MPZ: variants seen among roughly 807,000 people sequenced by gnomAD.
The protein encoded by MPZ is myelin protein zero.
A neutral mutation model predicts 27.9 loss-of-function variants in MPZ; 13 were observed. The observed-to-expected ratio is 0.47, with a 90% CI of 0.30 to 0.74. The LOEUF is 0.74. Among genes scored for constraint, MPZ ranks in the 30% least tolerant of loss-of-function variants. MPZ has a pLI of 0.06. For synonymous variants in MPZ, 118 were observed against 128.9 expected (o/e 0.92, Z 0.57); for missense variants, 256 against 317.5 (o/e 0.81, Z 1.47).
In MPZ at chr1:161,307,247, C is replaced by T; in HGVS notation, c.234+11G>A. ...CTGTTATCCAACCCCAGGATTCCCCCAGGCACTCACCGAAATGGCATCTCT... is the reference window on the plus strand; with the variant it reads ...CTGTTATCCAACCCCAGGATTCCCCTAGGCACTCACCGAAATGGCATCTCT... On this transcript the variant is annotated intron_variant, in intron 2 of 5. Transcript: ENST00000533357. 1.9e-6 allele frequency: 3 copies of T among 1,614,242 alleles called. No homozygotes were observed. The highest frequency in any genetic ancestry group is 2.5e-6 in the Non-Finnish European group (3 of 1,180,040).
rs1417590928 is a variant in MPZ at position 161,306,175 on chromosome 1, G to A, written c.585-7C>T. 6.2e-7 allele frequency: 1 copy of A among 1,614,146 alleles called. No homozygotes were observed. Among genetic ancestry groups the A allele is most frequent in the South Asian group, 1.1e-5 (1 of 91,088 alleles). ...TTTCCCCTTCTCCATAGCACTGCAA[G>A]AAGAGAGACTGCTGTACGTTTGGCC... On this transcript the variant is annotated splice_region_variant and splice_polypyrimidine_tract_variant and intron_variant, in intron 4 of 5. Coordinates refer to ENST00000533357, the MANE Select transcript of MPZ (RefSeq NM_000530.8).
At chr1:161,306,045 C>T (rs1490035562) in intron 5 of MPZ, 63 bp downstream of exon 5, 41 of 1,611,024 alleles carry the variant, frequency 2.5e-5, no homozygotes, top group Non-Finnish European at 3.4e-5. Context: ...CCACCCCTCA[C>T]TGCTGCCCGG....
Position 161,305,745 on chromosome 1 carries a change from G to T in MPZ, c.*131C>A. On this transcript the variant is annotated 3_prime_UTR_variant, in exon 6 of 6. Coordinates refer to ENST00000533357, the MANE Select transcript of MPZ (RefSeq NM_000530.8). The stretch of plus-strand genomic sequence containing the variant: ...GGCGTTTTTGAGGCTGGTTCTGCTG[G>T]GGGACTTGACAGCAGGCCGGAGCTC... The T allele has an allele frequency of 1.5e-6, 1 of 668,270 alleles. No homozygotes were observed. Among genetic ancestry groups the T allele is most frequent in the South Asian group, 1.9e-5 (1 of 52,870 alleles). 41.4% of individuals were successfully genotyped at this position (668,270 alleles called of 1,614,324 possible). A position where few individuals can be genotyped will look rare whatever the true frequency, so the allele number is the denominator to read the frequency against.
chr1:161,306,634 C>T, intron 3 of MPZ, 74 bp downstream of exon 3: 2 of 1,572,178 alleles, frequency 1.3e-6, no homozygotes, highest in South Asian at 1.1e-5. Flanking sequence ...TTTGCCTCTT[C>T]CCCCAACCTA....
At chr1:161,306,583 C>G in intron 3 of MPZ, 119 bp from the exon 4 acceptor site, 2 of 1,554,416 alleles carry the variant, frequency 1.3e-6, no homozygotes, top group Non-Finnish European at 1.8e-6. Context: ...GCCTTCTGCC[C>G]ACGCTCCCAG....
At position 161,305,623 on chromosome 1, in the gene MPZ, C is replaced by CG. The variant is rs1670214984; in HGVS notation, c.*252dup. On this transcript the variant is annotated 3_prime_UTR_variant, in exon 6 of 6. Transcript: ENST00000533357. ...GGAGCAAAGAGGGAAAGCACCTAGA[C>CG]GGGGGTAAGAGGAGCCTAGGTCCCC... is the stretch of plus-strand genomic sequence containing the variant. 2.0e-6 allele frequency: 1 copy of CG among 507,632 alleles called. No homozygotes were observed. Among genetic ancestry groups the CG allele is most frequent in the Non-Finnish European group, 3.4e-6 (1 of 296,536 alleles). 31.4% of individuals were successfully genotyped at this position (507,632 alleles called of 1,614,324 possible).
At chr1:161,309,552 A>ATATATTTTTTTTTTTTTT in intron 1 of MPZ, among the ~76,000 whole-genome samples, 21 of 80,634 alleles carry the variant, frequency 2.6e-4, no homozygotes, top group African/African-American at 9.8e-4. Context: ...ATATATATAT[A>ATATATTTTTTTTTTTTTT]TTTTTTTTTT....
In MPZ at chr1:161,305,928, A is replaced by G. The variant is rs1175110505; in HGVS notation, c.695T>C (p.Val232Ala). 2 of 1,613,730 alleles carry G rather than the reference A, an allele frequency of 1.2e-6. No individual in the cohort carries two copies. The change falls in exon 6 of 6, where the codon GTC becomes GCC. Residue 232 changes from valine to alanine, a missense_variant. Transcript: ENST00000533357. ...CAGCCCCTTGGCCTTCTTCTCACTG[A>G]CAGCTTTGGTGCTTCTGCTGTGGTC... ...MLDHSRSTKA[V>A]SEKKAKGLGE...
downstream of MPZ, among the ~76,000 whole-genome samples, chr1:161,304,439 TAG>T (rs1670179071): frequency 6.6e-6 from 1 of 152,174 alleles, no homozygotes; most frequent in South Asian, 2.1e-4. Context: ...ATCACACAGC[TAG>T]AGAGTGGCTG....
chr1:161,307,132 T>C (rs1262761979), intron 2 of MPZ, 126 bp downstream of exon 2: 1 of 1,315,566 alleles, frequency 7.6e-7, no homozygotes, highest in African/African-American at 1.5e-5. Context: ...AAGACTGTCA[T>C]TTACCTTGCC....
In MPZ at chr1:161,307,320, C is replaced by T. The variant is rs1341175303; in HGVS notation, c.172G>A (p.Val58Ile). 1 of 1,614,162 alleles carries T rather than the reference C, an allele frequency of 6.2e-7. No homozygotes were observed. The highest frequency in any genetic ancestry group is 8.5e-7 in the Non-Finnish European group (1 of 1,180,060). The change falls in exon 2 of 6, where the codon GTC becomes ATC. Residue 58 changes from valine (V) to isoleucine (I), a missense_variant. This residue lies in a region of MPZ where 155 missense variants were observed against 223.9 expected (regional missense o/e 0.69). Coordinates refer to ENST00000533357, the MANE Select transcript of MPZ (RefSeq NM_000530.8). ...CAGGTGAAGGAGATGTCATCTGAGA[C>T]CCACTCACTGGACCAGAAGGAGCAG... ...LHCSFWSSEW[V>I]SDDISFTWRY...
intron 4 of MPZ, 76 bp downstream of exon 4, chr1:161,306,253 C>T: frequency 1.2e-6 from 2 of 1,612,354 alleles, no homozygotes; most frequent in East Asian, 4.5e-5. Context: ...CTTGGCCCTC[C>T]CACCCACTGG....
intron 1 of MPZ, among the ~76,000 whole-genome samples, chr1:161,308,491 G>C (rs1435696628): frequency 6.6e-6 from 1 of 152,186 alleles, no homozygotes; most frequent in Non-Finnish European, 1.5e-5. Flanking sequence ...TTCTACAGGA[G>C]GGGGAGGTGG....
chr1:161,306,060 T>C, intron 5 of MPZ, 48 bp downstream of exon 5: 1 of 1,612,344 alleles, frequency 6.2e-7, no homozygotes, highest in Non-Finnish European at 8.5e-7. Context: ...GCCCGGCGGC[T>C]CCCAGGGTTC....
In MPZ at chr1:161,306,381, C is replaced by G. The variant is rs1238706311; in HGVS notation, c.532G>C (p.Val178Leu). ...CTGCGTAGCCAGCAGTACCGAACCA[C>G]GTAGAAAAGCAGCAGCAGCAACAGC... ...VVLLLLLLFY[V>L]VRYCWLRRQA... Residue 178 changes from valine to leucine, a missense_variant, in exon 4 of 6, where the codon GTG (valine) becomes CTG (leucine). Around this residue, in one of 2 missense-constraint regions of MPZ, gnomAD observed 101 missense variants for 93.6 expected, o/e 1.08. Coordinates refer to ENST00000533357, the MANE Select transcript of MPZ (RefSeq NM_000530.8). The G allele has an allele frequency of 1.2e-6, 2 of 1,614,064 alleles. No homozygotes were observed. Among genetic ancestry groups the G allele is most frequent in the Non-Finnish European group, 1.7e-6 (2 of 1,180,040 alleles).
intron 3 of MPZ, 58 bp downstream of exon 3, chr1:161,306,650 C>G (rs1056083723): frequency 1.9e-6 from 3 of 1,582,634 alleles, no homozygotes; most frequent in Non-Finnish European, 2.6e-6. Flanking sequence ...ACCTATCAGT[C>G]CTCCCTGATC....
intron 3 of MPZ, 64 bp from the exon 4 acceptor site, chr1:161,306,528 G>C: frequency 6.2e-7 from 1 of 1,605,272 alleles, no homozygotes; most frequent in Non-Finnish European, 8.5e-7. Flanking sequence ...TTCCTAGTCC[G>C]AGTGTATGCC....
At chr1:161,309,321 G>C (rs555167496) in intron 1 of MPZ, among the ~76,000 whole-genome samples, 14 of 151,962 alleles carry the variant, frequency 9.2e-5, no homozygotes, top group Non-Finnish European at 1.6e-4. Flanking sequence ...TAGGGGACGA[G>C]TGGGAACCAA....
Position 161,307,306 on chromosome 1 carries a change from G to C in MPZ, c.186C>G (p.Ile62Met), listed in dbSNP as rs121913605. The C allele has an allele frequency of 9.3e-6, 15 of 1,614,260 alleles. No individual in the cohort carries two copies. Among genetic ancestry groups the C allele is most frequent in the Non-Finnish European group, 1.2e-5 (14 of 1,180,042 alleles). ...FWSSEWVSDD[I>M]SFTWRYQPEG... ...CGGGCTGGTAGCGCCAGGTGAAGGA[G>C]ATGTCATCTGAGACCCACTCACTGG... The change falls in exon 2 of 6, where the codon ATC becomes ATG. Residue 62 changes from isoleucine to methionine, a missense_variant. Ile to Met is a conservative substitution (Grantham distance 10). This residue lies in a region of MPZ where 155 missense variants were observed against 223.9 expected (regional missense o/e 0.69). Coordinates refer to ENST00000533357, the MANE Select transcript of MPZ (RefSeq NM_000530.8).
Sources: allele counts gnomAD v4.1 joint callset (sites outside exome capture counted in the v4.1 genomes callset), GRCh38; gene constraint gnomAD v4.1.1; regional missense constraint gnomAD v4.1.1; transcripts MANE v1.5; gene names NCBI Gene and HGNC (gene_info 2026-07-23, HGNC 2026-07-21).